DNAI7: variants seen among roughly 807,000 people sequenced by gnomAD.
DNAI7 encodes cancer susceptibility 1.
A neutral mutation model predicts 86.6 loss-of-function variants in DNAI7; 78 were observed. The observed-to-expected ratio is 0.90, with a 90% CI of 0.75 to 1.09. DNAI7 has a LOEUF of 1.09. Ranked by LOEUF, DNAI7 falls within the 50% of genes least tolerant of loss-of-function variation. DNAI7 has a pLI of 0.00. For missense variants in DNAI7, 753 were observed against 810.2 expected (o/e 0.93, Z 0.86); for synonymous variants, 274 against 273.0 (o/e 1.00, Z -0.04).
At chr12:25,174,960 G>A (rs1948793364) in intron 2 of DNAI7, among the ~76,000 whole-genome samples, 1 of 151,758 alleles carries the variant, frequency 6.6e-6, no homozygotes, top group Admixed American at 6.6e-5. Flanking sequence ...GGGACTTGTG[G>A]GGAAGAGTGG....
intron 7 of DNAI7, 102 bp downstream of exon 7, chr12:25,149,526 C>T (rs1264156435): frequency 2.4e-6 from 2 of 816,764 alleles, no homozygotes; most frequent in Non-Finnish European, 3.9e-6. Context: ...CTAACTTTTC[C>T]ATAATCTCTT....
chr12:25,170,712 T>C (rs530918640), intron 2 of DNAI7, among the ~76,000 whole-genome samples: 65 of 152,270 alleles, frequency 4.3e-4, no homozygotes, highest in Admixed American at 3.2e-3. Context: ...TTCTCCAAGA[T>C]AGATCATATG....
At chr12:25,156,430 T>G (rs1272635886) in intron 4 of DNAI7, among the ~76,000 whole-genome samples, 1 of 152,222 alleles carries the variant, frequency 6.6e-6, no homozygotes, top group East Asian at 1.9e-4. Flanking sequence ...TATCTATCAC[T>G]GTAAGCTTGA....
At position 25,110,146 on chromosome 12, in the gene DNAI7, GA is replaced by G; in HGVS notation, c.1873del (p.Ser625LeufsTer8). 6.3e-7 allele frequency: 1 copy of G among 1,595,524 alleles called. No homozygotes were observed. ...TCATACCTTAAATACGACTTTTGTAGAATTACATAGTAGGTTCCACTTGCTC... is the reference window on the plus strand; with the variant it reads ...TCATACCTTAAATACGACTTTTGTAGATTACATAGTAGGTTCCACTTGCTC... ...GWSKWNLLCN[S>X]TKVVFKVREH... On this transcript the variant is annotated frameshift_variant, in exon 15 of 16. Coordinates refer to ENST00000395987, the MANE Select transcript of DNAI7 (RefSeq NM_018272.5). LOFTEE classifies it low-confidence loss of function (END_TRUNC).
chr12:25,188,435 T>C (rs1328490942), intron 2 of DNAI7, among the ~76,000 whole-genome samples: 2 of 152,226 alleles, frequency 1.3e-5, no homozygotes, highest in African/African-American at 4.8e-5. Context: ...GTGTGTTCAT[T>C]AATTTTCCCT....
At chr12:25,144,260 C>T (rs1944547786) in intron 9 of DNAI7, 105 bp downstream of exon 9, 2 of 951,962 alleles carry the variant, frequency 2.1e-6, no homozygotes, top group South Asian at 3.3e-5. Context: ...AAGTGGCTCC[C>T]AGACAATTTC....
intron 9 of DNAI7, among the ~76,000 whole-genome samples, chr12:25,130,053 C>T (rs565056196): frequency 4.6e-5 from 7 of 152,132 alleles, no homozygotes; most frequent in Admixed American, 1.3e-4. Flanking sequence ...TGAGACACCA[C>T]GCCCAGCCTA....
In DNAI7 at chr12:25,108,624, A is replaced by G. The variant is rs932980180; in HGVS notation, c.2093T>C (p.Val698Ala). The change falls in exon 16 of 16, where the codon GTC becomes GCC. Residue 698 changes from valine (V) to alanine (A), a missense_variant. Physicochemically the swap from Val to Ala is moderately conservative, Grantham distance 64 (BLOSUM62 0). Coordinates refer to ENST00000395987, the MANE Select transcript of DNAI7 (RefSeq NM_018272.5). The part of the protein sequence containing the change: ...DFASEEAMEK[V>A]RSSNCQFVNS... Reference sequence around the variant, plus strand: ...GACAAACTGACAGTTGGAACTCCTGACTTTCTCCATTGCTTCCTCAGAAGC... The same window carrying G: ...GACAAACTGACAGTTGGAACTCCTGGCTTTCTCCATTGCTTCCTCAGAAGC... 1 of 1,613,830 alleles carries G rather than the reference A, an allele frequency of 6.2e-7. No individual in the cohort carries two copies.
intron 9 of DNAI7, among the ~76,000 whole-genome samples, chr12:25,136,195 T>C (rs1160168268): frequency 6.6e-6 from 1 of 152,220 alleles, no homozygotes; most frequent in Non-Finnish European, 1.5e-5. Flanking sequence ...CAGGTTCTGG[T>C]ATCCACAGTT....
intron 7 of DNAI7, among the ~76,000 whole-genome samples, chr12:25,148,465 A>G (rs1256798950): frequency 6.6e-6 from 1 of 152,222 alleles, no homozygotes; most frequent in Non-Finnish European, 1.5e-5. Flanking sequence ...CTTTGGCACT[A>G]GAAGAATTAT....
chr12:25,190,596 GA>G lies in DNAI7; in HGVS notation c.21+17del, dbSNP rs750038833. The G allele has an allele frequency of 7.8e-6, 10 of 1,286,704 alleles. No individual in the cohort carries two copies. The highest frequency in any genetic ancestry group is 4.5e-5 in the Admixed American group (2 of 44,762). The allele number at this position is 1,286,704 out of a possible 1,614,324, so 79.7% of individuals were successfully genotyped here. ...AAGTGATTATACAACTATCTATTTT[GA>G]AAAAAATTCTACATACCTTTTTTGC... On this transcript the variant is annotated intron_variant, in intron 2 of 15. Transcript: ENST00000395987.
chr12:25,121,834 T>A lies in DNAI7; in HGVS notation c.1158A>T (p.Thr386=). ...EDNVVDLCQF[T]TLGGVYHLDI... ...CCAAGTGGTATACTCCACCCAGAGT[T>A]GTGAACTGGCATAAATCCACCACAT... The change falls in exon 11 of 16, where the codon ACA becomes ACT. Residue 386 remains threonine (T), a synonymous_variant. Coordinates refer to ENST00000395987, the MANE Select transcript of DNAI7 (RefSeq NM_018272.5). The A allele has an allele frequency of 6.2e-7, 1 of 1,606,180 alleles. No homozygotes were observed. The highest frequency in any genetic ancestry group is 8.5e-7 in the Non-Finnish European group (1 of 1,177,792).
chr12:25,136,606 GC>G (rs2140716237), intron 9 of DNAI7, among the ~76,000 whole-genome samples: 1 of 152,252 alleles, frequency 6.6e-6, no homozygotes, highest in East Asian at 1.9e-4. Flanking sequence ...CGATTATTAG[GC>G]TACTCAAGGA....
At chr12:25,186,026 AATT>A (rs1214214628) in intron 2 of DNAI7, among the ~76,000 whole-genome samples, 1 of 152,228 alleles carries the variant, frequency 6.6e-6, no homozygotes, top group African/African-American at 2.4e-5. Flanking sequence ...AAAAGTCATA[AATT>A]ATTAACTGAG....
intron 7 of DNAI7, among the ~76,000 whole-genome samples, chr12:25,148,954 G>C (rs7966255): frequency 1.3e-5 from 2 of 152,040 alleles, no homozygotes; most frequent in African/African-American, 2.4e-5. Flanking sequence ...TTCCATTTCA[G>C]ATATAACATT....
At chr12:25,182,118 C>T (rs1196904839) in intron 2 of DNAI7, among the ~76,000 whole-genome samples, 2 of 150,366 alleles carry the variant, frequency 1.3e-5, no homozygotes, top group African/African-American at 2.4e-5. Context: ...GAGGCCGAGG[C>T]GGGCAGATCA....
At chr12:25,177,037 G>A (rs1395735663) in intron 2 of DNAI7, among the ~76,000 whole-genome samples, 1 of 151,202 alleles carries the variant, frequency 6.6e-6, no homozygotes, top group Non-Finnish European at 1.5e-5. Context: ...TGAGTAGCTG[G>A]GATTACAGGT....
intron 12 of DNAI7, 58 bp from the exon 13 acceptor site, chr12:25,114,928 T>C (rs1939767394): frequency 1.5e-6 from 2 of 1,341,662 alleles, no homozygotes; most frequent in Non-Finnish European, 2.1e-6. Context: ...TAAAAAAAGA[T>C]AAATGAAAGC....
chr12:25,167,648 A>T (rs1315167973), intron 2 of DNAI7, among the ~76,000 whole-genome samples: 1 of 152,106 alleles, frequency 6.6e-6, no homozygotes, highest in Non-Finnish European at 1.5e-5. Context: ...ACTAGGCAAC[A>T]TCTCCTGTCT....
Sources: allele counts gnomAD v4.1 joint callset (sites outside exome capture counted in the v4.1 genomes callset), GRCh38; gene constraint gnomAD v4.1.1; transcripts MANE v1.5; gene names NCBI Gene and HGNC (gene_info 2026-07-23, HGNC 2026-07-21).